Variants in AKR7A2 observed in about 807,000 individuals in gnomAD.
AKR7A2 encodes aldo-keto reductase family 7 member A2.
A neutral mutation model predicts 37.3 loss-of-function variants in AKR7A2; 29 were observed. That is an observed-to-expected ratio of 0.78 (90% CI 0.58 to 1.06). The LOEUF (loss-of-function observed/expected upper bound fraction) is 1.06. Among genes scored for constraint, AKR7A2 ranks in the 50% least tolerant of loss-of-function variants. The pLI, the probability that AKR7A2 is intolerant of heterozygous loss-of-function variation, is 0.00. For missense variants in AKR7A2, 529 were observed against 497.9 expected (o/e 1.06, Z -0.59); for synonymous variants, 228 against 217.8 (o/e 1.05, Z -0.41).
In AKR7A2 at chr1:19,306,113, A is replaced by G; in HGVS notation, c.823T>C (p.Leu275=). 6.2e-7 allele frequency: 1 copy of G among 1,614,178 alleles called. No individual in the cohort carries two copies. The highest frequency in any genetic ancestry group is 1.1e-5 in the South Asian group (1 of 91,082). The change falls in exon 6 of 7, where the codon TTG becomes CTG. Residue 275 remains leucine (L), a synonymous_variant. Coordinates refer to ENST00000235835, the MANE Select transcript of AKR7A2 (RefSeq NM_003689.4). ...GCGGCCTGCAGGGCCTTCTCCACCA[A>G]CGCAATGGCCTCGAAGTGGTGCTCC... The part of the protein sequence containing the change: ...WKEHHFEAIA[L]VEKALQAAYG...
chr1:19,310,653 C>T (rs1263390259), intron 1 of AKR7A2, among the ~76,000 whole-genome samples: 2 of 152,154 alleles, frequency 1.3e-5, no homozygotes, highest in Non-Finnish European at 2.9e-5. Context: ...CCCTGGGTGA[C>T]AGAGCAAGAT....
intron 1 of AKR7A2, 126 bp from the exon 2 acceptor site, chr1:19,308,768 C>T (rs1189396836): frequency 6.3e-6 from 6 of 951,834 alleles, no homozygotes; most frequent in Non-Finnish European, 1.0e-5. Context: ...TGATAATAAT[C>T]AAACTGTCCT....
In AKR7A2 at chr1:19,308,617, A is replaced by T. The variant is rs2093766823; in HGVS notation, c.324T>A (p.Pro108=). 4 of 1,614,044 alleles carry T rather than the reference A, an allele frequency of 2.5e-6. No individual in the cohort carries two copies. Among genetic ancestry groups the T allele is most frequent in the South Asian group, 1.1e-5 (1 of 91,088 alleles). The change falls in exon 2 of 7, where the codon CCT becomes CCA. Residue 108 remains proline (P), a synonymous_variant. Transcript: ENST00000235835. ...CRVKIATKAN[P]WDGKSLKPDS... Reference sequence around the variant, plus strand: ...CAGGCTTTAGTGATTTTCCATCCCAAGGGTTGGCCTTGGTGGCAATTTTCA... The same window carrying T: ...CAGGCTTTAGTGATTTTCCATCCCATGGGTTGGCCTTGGTGGCAATTTTCA...
At chr1:19,305,447 C>T (rs2093759978) in intron 6 of AKR7A2, among the ~76,000 whole-genome samples, 1 of 152,176 alleles carries the variant, frequency 6.6e-6, no homozygotes, top group Non-Finnish European at 1.5e-5. Context: ...AAGCCATCTT[C>T]CCATCCCAGC....
intron 3 of AKR7A2, 110 bp from the exon 4 acceptor site, chr1:19,307,520 C>A: frequency 8.7e-7 from 1 of 1,143,232 alleles, no homozygotes. Context: ...CAGCAATATT[C>A]TAACATCACT....
At chr1:19,306,623 G>A (rs79753784) in intron 5 of AKR7A2, among the ~76,000 whole-genome samples, 1 of 114,766 alleles carries the variant, frequency 8.7e-6, no homozygotes, top group Middle Eastern at 3.9e-3. Flanking sequence ...TTTTTTTTTT[G>A]TAGAGACCAT....
intron 1 of AKR7A2, among the ~76,000 whole-genome samples, chr1:19,309,632 T>C (rs2151989807): frequency 6.6e-6 from 1 of 152,280 alleles, no homozygotes; most frequent in Admixed American, 6.5e-5. Context: ...ACCCCAGCTG[T>C]TGGTCCAGAT....
chr1:19,311,753 G>T, intron 1 of AKR7A2, 74 bp downstream of exon 1: 1 of 1,586,706 alleles, frequency 6.3e-7, no homozygotes, highest in South Asian at 1.1e-5. Flanking sequence ...GGCCGGGCCC[G>T]AGCGGGGTGG....
chr1:19,306,379 A>G (rs1445561299), intron 5 of AKR7A2, among the ~76,000 whole-genome samples: 3 of 152,144 alleles, frequency 2.0e-5, no homozygotes, highest in Admixed American at 6.5e-5. Flanking sequence ...TCAGTAGCCT[A>G]GGGACTTCCC....
intron 2 of AKR7A2, 29 bp downstream of exon 2, chr1:19,308,426 C>T: frequency 1.2e-6 from 2 of 1,611,490 alleles, no homozygotes; most frequent in South Asian, 2.2e-5. Flanking sequence ...AGCAGGAGCC[C>T]ACCTTTGGAG....
rs2093778037 is a variant in AKR7A2, at chr1:19,312,046, C to G, written c.79G>C (p.Ala27Pro). The G allele has an allele frequency of 1.4e-6, 2 of 1,385,428 alleles. No homozygotes were observed. Among genetic ancestry groups the G allele is most frequent in the Non-Finnish European group, 1.9e-6 (2 of 1,077,204 alleles). 85.8% of individuals were successfully genotyped at this position (1,385,428 alleles called of 1,614,324 possible). ...ALRSPPPEARALAMSRPPPPR... is the reference protein window; with the variant it reads ...ALRSPPPEARPLAMSRPPPPR... ...GGCGGTGGCCGGGACATGGCGAGCG[C>G]GCGGGCCTCGGGCGGCGGAGAGCGA... The change falls in exon 1 of 7, where the codon GCG (alanine) becomes CCG (proline). Residue 27 changes from alanine (A) to proline (P), a missense_variant. Ala to Pro is a conservative substitution (Grantham distance 27). Transcript: ENST00000235835.
intron 6 of AKR7A2, 137 bp downstream of exon 6, chr1:19,305,881 T>C (rs1379185318): frequency 6.4e-6 from 9 of 1,411,394 alleles, no homozygotes; most frequent in Admixed American, 1.8e-5. Flanking sequence ...CAAAGACCAG[T>C]GGGAAGAGTG....
chr1:19,306,215 A>G (rs1305024771), intron 5 of AKR7A2, 68 bp from the exon 6 acceptor site: 2 of 1,610,198 alleles, frequency 1.2e-6, no homozygotes, highest in Non-Finnish European at 1.7e-6. Context: ...GCAACCAAAT[A>G]GCCATCCAGG....
chr1:19,307,258 C>A (rs1270300337), intron 4 of AKR7A2, 56 bp downstream of exon 4: 1 of 1,610,324 alleles, frequency 6.2e-7, no homozygotes, highest in African/African-American at 1.3e-5. Context: ...AAATTCTGGG[C>A]TGGGCATCTG....
intron 6 of AKR7A2, 129 bp downstream of exon 6, chr1:19,305,889 G>A (rs2093760585): frequency 6.8e-7 from 1 of 1,472,942 alleles, no homozygotes; most frequent in African/African-American, 1.4e-5. Context: ...AGTGGGAAGA[G>A]TGCTTATGAG....
In AKR7A2 at chr1:19,306,057, C is replaced by G. The variant is rs375106886; in HGVS notation, c.879G>C (p.Ser293=). ...GGTGGTACATCCACCGGAGGGCAGC[C>G]GAGGTCACACTGGGGGCGCTGGCGC... The part of the protein sequence containing the change: ...AYGASAPSVT[S]AALRWMYHHS... Residue 293 remains serine, a synonymous_variant, in exon 6 of 7, where the codon TCG becomes TCC. Transcript: ENST00000235835. The G allele has an allele frequency of 5.0e-6, 8 of 1,613,996 alleles. No homozygotes were observed. Among genetic ancestry groups the G allele is most frequent in the Admixed American group, 1.7e-5 (1 of 60,008 alleles).
At chr1:19,307,257 G>A (rs1432225727) in intron 4 of AKR7A2, 57 bp downstream of exon 4, 2 of 1,609,514 alleles carry the variant, frequency 1.2e-6, no homozygotes, top group Non-Finnish European at 1.7e-6. Context: ...TAAATTCTGG[G>A]CTGGGCATCT....
chr1:19,305,772 A>G (rs1417504650), intron 6 of AKR7A2, among the ~76,000 whole-genome samples: 1 of 152,260 alleles, frequency 6.6e-6, no homozygotes, highest in Non-Finnish European at 1.5e-5. Context: ...CGGTTTCCTC[A>G]TCAATAACAC....
Position 19,303,969 on chromosome 1 carries a change from T to TG in AKR7A2, c.*255dup. On this transcript the variant is annotated 3_prime_UTR_variant, in exon 7 of 7. Coordinates refer to ENST00000235835, the MANE Select transcript of AKR7A2 (RefSeq NM_003689.4). ...GTTAACAGCAGAGAAAGCAAGTTTT[T>TG]GGGGTTCACTCAAGACCTAGGCTAC... 1.8e-6 allele frequency: 1 copy of TG among 561,796 alleles called. No individual in the cohort carries two copies. The highest frequency in any genetic ancestry group is 3.2e-6 in the Non-Finnish European group (1 of 315,928). The allele number at this position is 561,796 out of a possible 1,614,324, so 34.8% of individuals were successfully genotyped here.
Sources: gnomAD v4.1 joint callset for allele counts (sites outside exome capture counted in the v4.1 genomes callset) on GRCh38, gnomAD v4.1.1 for gene constraint, MANE v1.5 for transcripts, NCBI Gene and HGNC (gene_info 2026-07-23, HGNC 2026-07-21) for gene names.